Variants in FARS2 observed in about 807,000 individuals in gnomAD.
FARS2 encodes phenylalanyl-tRNA synthetase 2, mitochondrial.
Under a neutral mutation model 46.4 loss-of-function variants are expected in FARS2, and 40 were observed. The observed-to-expected ratio is 0.86, with a 90% CI of 0.67 to 1.12. FARS2 has a LOEUF of 1.12. FARS2 is among the 50% of genes most tolerant of loss of function. The probability of loss-of-function intolerance (pLI) is 0.00; values close to 1 mark genes in which losing one functional copy is unlikely to be tolerated. For missense variants in FARS2, 513 were observed against 567.9 expected (o/e 0.90, Z 0.98); for synonymous variants, 234 against 214.9 (o/e 1.09, Z -0.78).
intron 1 of FARS2, among the ~76,000 whole-genome samples, chr6:5,340,290 T>TA (rs1183350813): frequency 6.6e-6 from 1 of 152,210 alleles, no homozygotes; most frequent in Non-Finnish European, 1.5e-5. Context: ...CAGGCTTTGT[T>TA]ACATGACTTG....
At chr6:5,647,291 G>A (rs974354468) in intron 6 of FARS2, among the ~76,000 whole-genome samples, 2 of 152,150 alleles carry the variant, frequency 1.3e-5, no homozygotes, top group Non-Finnish European at 2.9e-5. Context: ...TTCCCTTAGT[G>A]TAGTTTGGCA....
intron 1 of FARS2, among the ~76,000 whole-genome samples, chr6:5,323,958 A>G (rs1478766594): frequency 1.3e-5 from 2 of 152,194 alleles, no homozygotes; most frequent in Non-Finnish European, 2.9e-5. Flanking sequence ...AGCCGGGAAG[A>G]TGCCAGCCCC....
chr6:5,280,781 C>T (rs1766664353), intron 1 of FARS2, among the ~76,000 whole-genome samples: 1 of 151,798 alleles, frequency 6.6e-6, no homozygotes, highest in African/African-American at 2.4e-5. Flanking sequence ...TTCGCAGCCT[C>T]AGAAAGTATG....
chr6:5,417,607 G>A (rs1762314007), intron 3 of FARS2, among the ~76,000 whole-genome samples: 1 of 152,082 alleles, frequency 6.6e-6, no homozygotes. Flanking sequence ...TCTTAACTTT[G>A]CTTTTGTCTT....
chr6:5,257,640 G>A (rs900201383), upstream of FARS2, among the ~76,000 whole-genome samples: 8 of 152,150 alleles, frequency 5.3e-5, no homozygotes, highest in African/African-American at 1.2e-4. Context: ...TCAGATCAGC[G>A]GCGGCATTAG....
At chr6:5,688,156 T>G (rs1426026276) in intron 6 of FARS2, among the ~76,000 whole-genome samples, 2 of 152,218 alleles carry the variant, frequency 1.3e-5, no homozygotes, top group East Asian at 3.8e-4. Flanking sequence ...ACAGGGACAA[T>G]TTGACTTCCT....
intron 6 of FARS2, among the ~76,000 whole-genome samples, chr6:5,648,318 C>T (rs1777177068): frequency 6.6e-6 from 1 of 152,218 alleles, no homozygotes; most frequent in African/African-American, 2.4e-5. Flanking sequence ...TACGTGGAGC[C>T]CTCAGTCTCT....
rs925412383 is a variant in FARS2 at position 5,459,894 on chromosome 6, C to T, written c.904+28722C>T. Among the ~76,000 whole-genome samples, 6 of 152,130 alleles carry T rather than the reference C, an allele frequency of 3.9e-5. No individual in the cohort carries two copies. In the South Asian group the frequency reaches 8.3e-4, roughly 21 times the overall value. On this transcript the variant is annotated intron_variant, in intron 4 of 6. Transcript: ENST00000274680. ...TCTAAGTAACATGTTCGTATTGCTG[C>T]TCCTTGATTTCTTTCCGCTTTAAAT...
chr6:5,578,234 G>A (rs1473563651), intron 5 of FARS2, among the ~76,000 whole-genome samples: 1 of 152,106 alleles, frequency 6.6e-6, no homozygotes, highest in African/African-American at 2.4e-5. Context: ...TTTGGTGCTG[G>A]TGTCCAAGAG....
At chr6:5,260,164 A>T (rs903300783), upstream of FARS2, among the ~76,000 whole-genome samples, 4 of 152,170 alleles carry the variant, frequency 2.6e-5, no homozygotes, top group African/African-American at 9.7e-5. Context: ...TCTTGCAACC[A>T]AAAGAACTCA....
chr6:5,319,417 A>G (rs777417065), intron 1 of FARS2, among the ~76,000 whole-genome samples: 4 of 152,332 alleles, frequency 2.6e-5, no homozygotes, highest in Admixed American at 6.5e-5. Context: ...CAGTAAACAC[A>G]CTATGCATGT....
At chr6:5,361,918 T>G (rs548929116) in intron 1 of FARS2, among the ~76,000 whole-genome samples, 2 of 152,370 alleles carry the variant, frequency 1.3e-5, no homozygotes, top group East Asian at 3.9e-4. Flanking sequence ...TTGAAAGGAC[T>G]GTTGAAATGA....
At chr6:5,753,210 A>G (rs1028265214) in intron 6 of FARS2, among the ~76,000 whole-genome samples, 13 of 152,216 alleles carry the variant, frequency 8.5e-5, no homozygotes, top group Non-Finnish European at 1.9e-4. Context: ...ATTATGAATC[A>G]AAGTTACTAC....
intron 6 of FARS2, among the ~76,000 whole-genome samples, chr6:5,732,299 A>C (rs1760680199): frequency 6.6e-6 from 1 of 151,886 alleles, no homozygotes; most frequent in Non-Finnish European, 1.5e-5. Flanking sequence ...GGCGGTGCAC[A>C]CTCTAGCCCT....
At chr6:5,569,307 G>T (rs1772499629) in intron 5 of FARS2, among the ~76,000 whole-genome samples, 1 of 151,638 alleles carries the variant, frequency 6.6e-6, no homozygotes, top group African/African-American at 2.4e-5. Context: ...CACAGTCATG[G>T]CTCTCTGCAT....
At position 5,471,606 on chromosome 6, in the gene FARS2, A is replaced by C. The variant is rs1439393590; in HGVS notation, c.904+40434A>C. On this transcript the variant is annotated intron_variant, in intron 4 of 6. Transcript: ENST00000274680. The surrounding 1 kb of genome is among the most constrained non-coding windows in gnomAD (Gnocchi z 4.1). Reference sequence around the variant, plus strand: ...GCTATTCTAGTGGCTCTTTGCTTTTAACCAACAAAGGCCCTTAAGAAAAGG... The same window carrying C: ...GCTATTCTAGTGGCTCTTTGCTTTTCACCAACAAAGGCCCTTAAGAAAAGG... 6.6e-6 allele frequency among the ~76,000 whole-genome samples: 1 copy of C among 152,228 alleles called. No homozygotes were observed. The highest frequency in any genetic ancestry group is 1.5e-5 in the Non-Finnish European group (1 of 68,034).
chr6:5,537,033 A>G (rs895709811), intron 4 of FARS2, among the ~76,000 whole-genome samples: 3 of 152,172 alleles, frequency 2.0e-5, no homozygotes, highest in Admixed American at 6.5e-5. Context: ...AATGGTATAA[A>G]GGTACCCTTT....
chr6:5,516,261 C>A (rs1272434498), intron 4 of FARS2, among the ~76,000 whole-genome samples: 1 of 152,172 alleles, frequency 6.6e-6, no homozygotes, highest in Admixed American at 6.5e-5. Context: ...TAGAATGAGT[C>A]ACGTAGCCCC....
chr6:5,376,124 T>C (rs1048849062), intron 2 of FARS2, among the ~76,000 whole-genome samples: 5 of 152,180 alleles, frequency 3.3e-5, no homozygotes, highest in African/African-American at 1.2e-4. Flanking sequence ...ACATGATCAC[T>C]ACCAATCTTC....
Sources: gnomAD v4.1 joint callset for allele counts (sites outside exome capture counted in the v4.1 genomes callset) on GRCh38, gnomAD v4.1.1 for gene constraint, Gnocchi (gnomAD v3.1) non-coding constraint, MANE v1.5 for transcripts, NCBI Gene and HGNC (gene_info 2026-07-23, HGNC 2026-07-21) for gene names.